The following AAK1 variants were observed in gnomAD, a reference collection of about 807,000 sequenced individuals.
AAK1 encodes the protein AP2-associated protein kinase 1.
Under a neutral mutation model 116.0 loss-of-function variants are expected in AAK1, and 37 were observed. The observed-to-expected ratio is 0.32, with a 90% CI of 0.25 to 0.42. The LOEUF (loss-of-function observed/expected upper bound fraction) is 0.42, where lower values mean the gene tolerates loss of function less well. AAK1 is among the 10% of genes least tolerant of loss of function. The probability of loss-of-function intolerance (pLI) is 1.00; values close to 1 mark genes in which losing one functional copy is unlikely to be tolerated. For synonymous variants in AAK1, 458 were observed against 439.9 expected, an observed-to-expected ratio of 1.04 and a Z score of -0.51; for missense variants, 919 against 1,170.6, an observed-to-expected ratio of 0.79 and a Z score of 3.14.
rs1212726700 is a variant in AAK1, at chr2:69,598,085, CAT to C, written c.164-41109_164-41108del. 3 of 791,220 alleles carry C rather than the reference CAT, an allele frequency of 3.8e-6. No individual in the cohort carries two copies. The African/African-American group carries it at 5.4e-5, about 14-fold the overall frequency. 49.0% of individuals were successfully genotyped at this position (791,220 alleles called of 1,614,324 possible). On this transcript the variant is annotated intron_variant, in intron 2 of 21. Transcript: ENST00000409085. ...TCTTTATGGTGACATAATGCAACCA[CAT>C]GTTTTGGATACATATAATAACATGA...
At chr2:69,551,591 A>G (rs185403426) in intron 3 of AAK1, among the ~76,000 whole-genome samples, 12 of 152,226 alleles carry the variant, frequency 7.9e-5, no homozygotes, top group African/African-American at 2.4e-4. Flanking sequence ...ATCAAGCTCA[A>G]TGAGGATGTA....
intron 2 of AAK1, among the ~76,000 whole-genome samples, chr2:69,637,569 G>C (rs959814384): frequency 4.6e-5 from 7 of 152,196 alleles, no homozygotes; most frequent in African/African-American, 1.7e-4. Context: ...CACAGTGCTA[G>C]ATGCTACTTT....
chr2:69,470,734 G>A lies in AAK1; in HGVS notation c.*5135C>T. The A allele has an allele frequency of 1.0e-6, 1 of 985,518 alleles. No homozygotes were observed. Among genetic ancestry groups the A allele is most frequent in the Non-Finnish European group, 1.2e-6 (1 of 829,906 alleles). 61.0% of individuals were successfully genotyped at this position (985,518 alleles called of 1,614,324 possible). A position where few individuals can be genotyped will look rare whatever the true frequency, so the allele number is the denominator to read the frequency against. Reference sequence around the variant, plus strand: ...CTTATTCTCCTTGAGACTAAAACAGGGGTTTTACTCTCTCAGGTAGCCATG... The same window carrying A: ...CTTATTCTCCTTGAGACTAAAACAGAGGTTTTACTCTCTCAGGTAGCCATG... On this transcript the variant is annotated 3_prime_UTR_variant, in exon 22 of 22. Coordinates refer to ENST00000409085, the MANE Select transcript of AAK1 (RefSeq NM_014911.5).
At position 69,475,097 on chromosome 2, in the gene AAK1, A is replaced by G. The variant is rs568853795; in HGVS notation, c.*772T>C. ...ATGAAAAGGAATGGCAATACTTGGG[A>G]TTTATATAACGTACACATTGTATCC... On this transcript the variant is annotated 3_prime_UTR_variant, in exon 22 of 22. Transcript: ENST00000409085. 5 of 985,594 alleles carry G rather than the reference A, an allele frequency of 5.1e-6. No individual in the cohort carries two copies. The South Asian group carries it at 2.4e-4, about 46-fold the overall frequency. The allele number at this position is 985,594 out of a possible 1,614,324, so 61.1% of individuals were successfully genotyped here.
chr2:69,555,201 T>C (rs895046675), intron 3 of AAK1, among the ~76,000 whole-genome samples: 2 of 152,180 alleles, frequency 1.3e-5, no homozygotes, highest in Admixed American at 1.3e-4. Context: ...TGAAGGAAGA[T>C]ACAGCAAGAA....
At chr2:69,620,081 G>T (rs1197293400) in intron 2 of AAK1, among the ~76,000 whole-genome samples, 1 of 152,146 alleles carries the variant, frequency 6.6e-6, no homozygotes, top group African/African-American at 2.4e-5. Context: ...GCAGTGGAGA[G>T]ACCAGTGAAG....
At chr2:69,596,885 C>T (rs927466051) in intron 2 of AAK1, among the ~76,000 whole-genome samples, 8 of 152,110 alleles carry the variant, frequency 5.3e-5, no homozygotes, top group Non-Finnish European at 1.0e-4. Flanking sequence ...TGCCTTCTAA[C>T]GCCCCCAGGA....
intron 2 of AAK1, among the ~76,000 whole-genome samples, chr2:69,603,833 G>C (rs1456977493): frequency 6.6e-6 from 1 of 152,154 alleles, no homozygotes; most frequent in East Asian, 1.9e-4. Flanking sequence ...AAATTCTCTG[G>C]TGTTTCAGGA....
In AAK1 at chr2:69,467,575, G is replaced by C. The variant is rs114193346; in HGVS notation, c.*8294C>G. 2.0e-3 allele frequency: 2,018 copies of C among 985,352 alleles called. 37 individuals carry two copies. In the African/African-American group the frequency reaches 0.032, roughly 16 times the overall value. The allele number at this position is 985,352 out of a possible 1,614,324, so 61.0% of individuals were successfully genotyped here. A position where few individuals can be genotyped will look rare whatever the true frequency, so the allele number is the denominator to read the frequency against. On this transcript the variant is annotated 3_prime_UTR_variant, in exon 22 of 22. Coordinates refer to ENST00000409085, the MANE Select transcript of AAK1 (RefSeq NM_014911.5). ...TGGGCTCAGTAAAGAGATACTACTG[G>C]AGTTTCCCAACCCACCAGGATAAGA...
chr2:69,505,613 G>T lies in AAK1; in HGVS notation c.2225C>A (p.Thr742Asn). Residue 742 changes from threonine (T) to asparagine (N), a missense_variant, in exon 16 of 22, where the codon ACC becomes AAC. Thr to Asn is a moderately conservative substitution (Grantham distance 65). This residue lies in a region of AAK1 where 263 missense variants were observed against 285.5 expected (regional missense o/e 0.92). Transcript: ENST00000409085. ...AESLIPGFQS[T>N]QGDAFATTSF... ...GGTCGTAGCAAAAGCATCACCTTGG[G>T]TTGATTGAAAGCCTGGGATCAAACT... 1.2e-6 allele frequency: 2 copies of T among 1,613,724 alleles called. No homozygotes were observed. The highest frequency in any genetic ancestry group is 1.7e-6 in the Non-Finnish European group (2 of 1,179,768).
chr2:69,510,303 G>A (rs1676345221), intron 13 of AAK1, among the ~76,000 whole-genome samples: 1 of 152,146 alleles, frequency 6.6e-6, no homozygotes, highest in Non-Finnish European at 1.5e-5. Context: ...TGTGCTATTT[G>A]GTTTTCTATT....
intron 2 of AAK1, among the ~76,000 whole-genome samples, chr2:69,641,404 A>G (rs1675717951): frequency 6.6e-6 from 1 of 152,314 alleles, no homozygotes; most frequent in South Asian, 2.1e-4. Context: ...CGGATCTGGC[A>G]GCGGGCACAG....
intron 2 of AAK1, among the ~76,000 whole-genome samples, chr2:69,573,687 C>T (rs1341044906): frequency 6.6e-6 from 1 of 152,154 alleles, no homozygotes; most frequent in Non-Finnish European, 1.5e-5. Flanking sequence ...CCTGAAATAT[C>T]CACAAAGTAT....
Position 69,643,069 on chromosome 2 carries a change from T to C in AAK1, c.-29A>G, listed in dbSNP as rs940126902. On this transcript the variant is annotated 5_prime_UTR_variant, in exon 2 of 22. Coordinates refer to ENST00000409085, the MANE Select transcript of AAK1 (RefSeq NM_014911.5). ...GCGAATAGGGAGCAGCAAAGCAAAA[T>C]ACCGATGGTTTCTAGATTTTTTTTT... 6.8e-6 allele frequency: 10 copies of C among 1,475,800 alleles called. No individual in the cohort carries two copies. Among genetic ancestry groups the C allele is most frequent in the Non-Finnish European group, 8.9e-6 (10 of 1,119,252 alleles). 91.4% of individuals were successfully genotyped at this position (1,475,800 alleles called of 1,614,324 possible).
At position 69,524,931 on chromosome 2, in the gene AAK1, C is replaced by T. The variant is rs373623243; in HGVS notation, c.1055+102G>A. On this transcript the variant is annotated intron_variant, in intron 10 of 21. Transcript: ENST00000409085. ...AGCTTGCTTTCCTGATCTGTGCAGC[C>T]CCTGGTCATGACAGCATACATAAGA... is the stretch of plus-strand genomic sequence containing the variant. 6 of 1,154,692 alleles carry T rather than the reference C, an allele frequency of 5.2e-6. No homozygotes were observed. The African/African-American group carries it at 6.1e-5, about 12-fold the overall frequency. The allele number at this position is 1,154,692 out of a possible 1,614,324, so 71.5% of individuals were successfully genotyped here.
chr2:69,492,518 C>CTTTTTT (rs987331929), intron 17 of AAK1, among the ~76,000 whole-genome samples: 1,288 of 83,380 alleles, frequency 0.015, 167 homozygotes, highest in African/African-American at 0.064. Context: ...CTGGCCAATT[C>CTTTTTT]TTTTTTTTTT....
chr2:69,632,210 A>G (rs1281942414), intron 2 of AAK1, among the ~76,000 whole-genome samples: 1 of 152,200 alleles, frequency 6.6e-6, no homozygotes, highest in Non-Finnish European at 1.5e-5. Flanking sequence ...AAGACCAAAA[A>G]TATTGCAATA....
chr2:69,603,545 CAT>C (rs1279376027), intron 2 of AAK1, among the ~76,000 whole-genome samples: 19 of 152,306 alleles, frequency 1.2e-4, no homozygotes, highest in Non-Finnish European at 2.5e-4. Flanking sequence ...CGCAAATCCA[CAT>C]GTGAGTCACT....
chr2:69,581,806 G>C (rs1315730367), intron 2 of AAK1, among the ~76,000 whole-genome samples: 8 of 151,978 alleles, frequency 5.3e-5, no homozygotes, highest in Non-Finnish European at 1.5e-5. Flanking sequence ...GCGAGACCCA[G>C]TCTCTACAAA....
Sources: allele counts gnomAD v4.1 joint callset (sites outside exome capture counted in the v4.1 genomes callset), GRCh38; gene constraint gnomAD v4.1.1; regional missense constraint gnomAD v4.1.1; transcripts MANE v1.5; gene names NCBI Gene and HGNC (gene_info 2026-07-23, HGNC 2026-07-21).